TRMT44: variants seen among roughly 807,000 people sequenced by gnomAD.
The protein encoded by TRMT44 is tRNA methyltransferase 44 homolog.
A neutral mutation model predicts 77.3 loss-of-function variants in TRMT44; 78 were observed. That is an observed-to-expected ratio of 1.01 (90% confidence interval 0.84 to 1.22). The LOEUF (loss-of-function observed/expected upper bound fraction) is 1.22, where lower values mean the gene tolerates loss of function less well. Ranked by LOEUF, TRMT44 falls within the 50% of genes most tolerant of loss-of-function variation. The probability of loss-of-function intolerance (pLI) is 0.00; values close to 1 mark genes in which losing one functional copy is unlikely to be tolerated. For synonymous variants in TRMT44, 391 were observed against 383.3 expected (o/e 1.02, Z -0.23); for missense variants, 1,090 against 964.4 (o/e 1.13, Z -1.73).
In TRMT44 at chr4:8,475,468, T is replaced by G. The variant is rs188515096; in HGVS notation, c.2045-304T>G. ...GAATGTGGCCAGTCCTGGTGCAGTCTGTCCTGGGACACTCGGGTTTGCTGC... is the reference window on the plus strand; with the variant it reads ...GAATGTGGCCAGTCCTGGTGCAGTCGGTCCTGGGACACTCGGGTTTGCTGC... On this transcript the variant is annotated intron_variant, in intron 10 of 10. Transcript: ENST00000389737. Among the ~76,000 whole-genome samples the G allele has an allele frequency of 5.3e-3, 802 of 152,316 alleles. 5 individuals are homozygous for G. Among genetic ancestry groups the G allele is most frequent in the Non-Finnish European group, 9.3e-3 (631 of 68,028 alleles).
the TRMT44 span, among the ~76,000 whole-genome samples, chr4:8,501,756 C>A: frequency 1.3e-5 from 2 of 152,138 alleles, no homozygotes; most frequent in Non-Finnish European, 2.9e-5. This position sits in a 1 kb window ranked among gnomAD's most constrained non-coding sequence, Gnocchi z 4.4. Flanking sequence ...TCAGTTGGGG[C>A]CCTCAGTGAC....
rs1726357799 is a variant in TRMT44, at chr4:8,464,066, C to T, written c.1285C>T (p.Pro429Ser). 1 of 1,613,910 alleles carries T rather than the reference C, an allele frequency of 6.2e-7. No homozygotes were observed. Among genetic ancestry groups the T allele is most frequent in the Non-Finnish European group, 8.5e-7 (1 of 1,179,894 alleles). ...CGGTAACCATTCTGATGAACTCACA[C>T]CATGGATACCTGTCATTGCAGCCAG... ...LIGNHSDELT[P>S]WIPVIAARSS... Residue 429 changes from proline (P) to serine (S), a missense_variant, in exon 7 of 11, where the codon CCA (proline) becomes TCA (serine). Pro to Ser is a moderately conservative substitution (Grantham distance 74). Coordinates refer to ENST00000389737, the MANE Select transcript of TRMT44 (RefSeq NM_152544.3).
downstream of TRMT44, among the ~76,000 whole-genome samples, chr4:8,494,833 A>T (rs1257075666): frequency 6.6e-6 from 1 of 151,536 alleles, no homozygotes; most frequent in Non-Finnish European, 1.5e-5. Context: ...CAGCTGTCTT[A>T]TATAGGGATA....
intron 6 of TRMT44, among the ~76,000 whole-genome samples, chr4:8,457,017 G>GC (rs34337697): frequency 0.01 from 1,287 of 125,996 alleles, 5 homozygotes; most frequent in African/African-American, 0.015. Flanking sequence ...CAAGACACCC[G>GC]CCCCCCCCCC....
intron 6 of TRMT44, among the ~76,000 whole-genome samples, chr4:8,455,945 A>G (rs1479098875): frequency 6.6e-6 from 1 of 152,252 alleles, no homozygotes; most frequent in Non-Finnish European, 1.5e-5. Context: ...AAATTCAGAA[A>G]AAGTTAGATA....
intron 7 of TRMT44, among the ~76,000 whole-genome samples, chr4:8,465,086 C>T (rs1448886369): frequency 6.6e-6 from 1 of 152,060 alleles, no homozygotes; most frequent in Admixed American, 6.6e-5. Flanking sequence ...AGGGAGAGGG[C>T]AGAGTTTGAA....
Position 8,465,504 on chromosome 4 carries a change from C to T in TRMT44, c.1437C>T (p.Gly479=), listed in dbSNP as rs1726476801. 6.2e-7 allele frequency: 1 copy of T among 1,614,038 alleles called. No homozygotes were observed. The highest frequency in any genetic ancestry group is 8.5e-7 in the Non-Finnish European group (1 of 1,180,024). ...ACCTTGACTTCATTAAAGAAGTGGG[C>T]TTCACCTGTGGGTTTCACGTGGACG... is the stretch of plus-strand genomic sequence containing the variant. ...REYLDFIKEV[G]FTCGFHVDED... Residue 479 remains glycine (G), a synonymous_variant, in exon 8 of 11, where the codon GGC becomes GGT. Transcript: ENST00000389737.
chr4:8,460,761 C>G (rs1459878566), intron 6 of TRMT44, among the ~76,000 whole-genome samples: 1 of 152,146 alleles, frequency 6.6e-6, no homozygotes, highest in Non-Finnish European at 1.5e-5. Context: ...GCCATGTTGG[C>G]CAGGCTGATC....
downstream of TRMT44, among the ~76,000 whole-genome samples, chr4:8,496,871 T>A (rs1190713655): frequency 1.3e-5 from 2 of 151,968 alleles, no homozygotes; most frequent in Non-Finnish European, 2.9e-5. Flanking sequence ...AGGAGTTTAG[T>A]GATTTTTAAT....
intron 10 of TRMT44, among the ~76,000 whole-genome samples, chr4:8,471,899 T>G (rs1727030036): frequency 6.6e-6 from 1 of 152,136 alleles, no homozygotes; most frequent in Non-Finnish European, 1.5e-5. Context: ...GTGTACACAC[T>G]TCCATCATCT....
In TRMT44 at chr4:8,440,812, T is replaced by G. The variant is rs760517125; in HGVS notation, c.-11T>G. The G allele has an allele frequency of 2.0e-5, 29 of 1,444,886 alleles. No individual in the cohort carries two copies. In the African/African-American group the frequency reaches 3.8e-4, roughly 19 times the overall value. The allele number at this position is 1,444,886 out of a possible 1,614,324, so 89.5% of individuals were successfully genotyped here. Reference sequence around the variant, plus strand: ...CGCGCCGCTGCCAGGGCTGTACACCTGCTGGCTGCCATGGCTGAGGTGGGC... The same window carrying G: ...CGCGCCGCTGCCAGGGCTGTACACCGGCTGGCTGCCATGGCTGAGGTGGGC... On this transcript the variant is annotated 5_prime_UTR_variant, in exon 1 of 11. Coordinates refer to ENST00000389737, the MANE Select transcript of TRMT44 (RefSeq NM_152544.3).
At chr4:8,508,403 G>T in the TRMT44 span, among the ~76,000 whole-genome samples, 2 of 152,312 alleles carry the variant, frequency 1.3e-5, no homozygotes, top group South Asian at 4.1e-4. Flanking sequence ...CTGTTGTGTG[G>T]GTTATTGGTT....
At position 8,475,633 on chromosome 4, in the gene TRMT44, A is replaced by G. The variant is rs1016289198; in HGVS notation, c.2045-139A>G. The G allele has an allele frequency of 1.1e-5, 8 of 734,208 alleles. No individual in the cohort carries two copies. The African/African-American group carries it at 1.4e-4, about 13-fold the overall frequency. The allele number at this position is 734,208 out of a possible 1,614,324, so 45.5% of individuals were successfully genotyped here. A position where few individuals can be genotyped will look rare whatever the true frequency, so the allele number is the denominator to read the frequency against. On this transcript the variant is annotated intron_variant, in intron 10 of 10. Transcript: ENST00000389737. ...TGGAGGCAGACTCACTGTGACCAGCAGGAACTCTAGGCTGTGTTCCGGTTG... is the reference window on the plus strand; with the variant it reads ...TGGAGGCAGACTCACTGTGACCAGCGGGAACTCTAGGCTGTGTTCCGGTTG...
rs192771287 is a variant in TRMT44, at chr4:8,486,416, C to T, written n.3892-6850C>T. 3.7e-3 allele frequency among the ~76,000 whole-genome samples: 565 copies of T among 152,246 alleles called. 3 individuals are homozygous for T. Among genetic ancestry groups the T allele is most frequent in the African/African-American group, 0.012 (508 of 41,552 alleles). ...CCTCTATTATTGTACACCTTGAAGG[C>T]GAGGTTAATTAAGTCCTGTTGGGTT... On this transcript the variant is annotated intron_variant and non_coding_transcript_variant, in intron 2 of 2. Coordinates refer to the TRMT44 transcript ENST00000511366.
chr4:8,466,801 G>A (rs1352051004), intron 8 of TRMT44, among the ~76,000 whole-genome samples: 2 of 152,216 alleles, frequency 1.3e-5, no homozygotes. Flanking sequence ...TTTGGGGATC[G>A]AATGTAAGAG....
the TRMT44 span, among the ~76,000 whole-genome samples, chr4:8,501,796 C>T: frequency 4.8e-4 from 73 of 152,296 alleles, no homozygotes; most frequent in African/African-American, 1.7e-3. This position sits in a 1 kb window ranked among gnomAD's most constrained non-coding sequence, Gnocchi z 4.4. Context: ...CTGCCATCGG[C>T]TGTGAGCTCA....
intron 8 of TRMT44, among the ~76,000 whole-genome samples, chr4:8,466,826 C>T (rs1726589000): frequency 2.0e-5 from 3 of 152,182 alleles, no homozygotes; most frequent in African/African-American, 7.2e-5. Context: ...TGTGAACGTG[C>T]TTTGTCATTT....
At chr4:8,467,582 A>T (rs1296603234) in intron 8 of TRMT44, among the ~76,000 whole-genome samples, 1 of 152,142 alleles carries the variant, frequency 6.6e-6, no homozygotes, top group Non-Finnish European at 1.5e-5. Context: ...CTGGGTTCAA[A>T]TGATCCTCCT....
chr4:8,493,640 C>T (rs1420313792), downstream of TRMT44: 1 of 150,474 alleles, frequency 6.6e-6, no homozygotes, highest in Non-Finnish European at 1.5e-5. Context: ...ATTCACTCCT[C>T]TGTCTGGTCT....
Sources: allele counts gnomAD v4.1 joint callset (sites outside exome capture counted in the v4.1 genomes callset), GRCh38; gene constraint gnomAD v4.1.1; non-coding constraint Gnocchi (gnomAD v3.1); transcripts MANE v1.5; gene names NCBI Gene and HGNC (gene_info 2026-07-23, HGNC 2026-07-21).